The following PTPN3 variants were observed in gnomAD, a reference collection of about 807,000 sequenced individuals.
PTPN3 encodes tyrosine-protein phosphatase non-receptor type 3.
In PTPN3, 96 loss-of-function variants were observed where a neutral mutation model predicts 132.7. The ratio of observed to expected loss-of-function variants is 0.72; its 90% CI spans 0.61 to 0.86. The LOEUF (loss-of-function observed/expected upper bound fraction) is 0.86, where lower values mean the gene tolerates loss of function less well. Among genes scored for constraint, PTPN3 ranks in the 40% least tolerant of loss-of-function variants. The pLI, the probability that PTPN3 is intolerant of heterozygous loss-of-function variation, is 0.00. For missense variants in PTPN3, 1,125 were observed against 1,159.6 expected, an observed-to-expected ratio of 0.97 and a Z score of 0.43; for synonymous variants, 398 against 429.0, an observed-to-expected ratio of 0.93 and a Z score of 0.89.
At chr9:109,526,950 A>G in the PTPN3 span, among the ~76,000 whole-genome samples, 246 of 152,316 alleles carry the variant, frequency 1.6e-3, 2 homozygotes, top group African/African-American at 5.8e-3. Context: ...TGCTGGGTCA[A>G]TTGGATATCC....
rs145012918 is a variant in PTPN3, at chr9:109,446,508, T to C, written c.414-1216A>G. ...ACAGATGAGGTCCAGGGATCTCACC[T>C]CTGTTTGTTCATCTGGAAATCTAGA... On this transcript the variant is annotated intron_variant, in intron 6 of 25. Coordinates refer to ENST00000374541, the MANE Select transcript of PTPN3 (RefSeq NM_002829.4). Among the ~76,000 whole-genome samples, 201 of 152,276 alleles carry C rather than the reference T, an allele frequency of 1.3e-3. 11 individuals carry two copies. In the East Asian group the frequency reaches 0.025, roughly 19 times the overall value.
intron 17 of PTPN3, among the ~76,000 whole-genome samples, chr9:109,407,640 G>A (rs2131739604): frequency 6.6e-6 from 1 of 152,192 alleles, no homozygotes; most frequent in African/African-American, 2.4e-5. Context: ...TGCCTCCTGG[G>A]TTCAAGGAAT....
chr9:109,531,620 T>A, the PTPN3 span, among the ~76,000 whole-genome samples: 1 of 152,198 alleles, frequency 6.6e-6, no homozygotes, highest in Non-Finnish European at 1.5e-5. Flanking sequence ...CAGGTGTAGT[T>A]TTGAGAATGA....
At chr9:109,463,560 C>G (rs1277295742) in intron 1 of PTPN3, 109 bp from the exon 2 acceptor site, 2 of 1,010,834 alleles carry the variant, frequency 2.0e-6, no homozygotes, top group Non-Finnish European at 2.8e-6. Context: ...GACGGACTCA[C>G]AGATAATGAG....
At chr9:109,381,575 A>G (rs1839089598) in intron 25 of PTPN3, 77 bp downstream of exon 25, 3 of 1,560,972 alleles carry the variant, frequency 1.9e-6, no homozygotes, top group Non-Finnish European at 2.6e-6. Context: ...GTTGACTCAC[A>G]AAGCCCTTCT....
At chr9:109,474,999 A>AT (rs1445596050) in intron 1 of PTPN3, among the ~76,000 whole-genome samples, 1 of 152,140 alleles carries the variant, frequency 6.6e-6, no homozygotes. Context: ...AATTAGACTG[A>AT]TTTTTTTAGG....
chr9:109,406,862 A>C (rs1285373971), intron 17 of PTPN3, among the ~76,000 whole-genome samples: 1 of 152,226 alleles, frequency 6.6e-6, no homozygotes, highest in African/African-American at 2.4e-5. Flanking sequence ...AAGGATATAA[A>C]AATTGCTGAA....
At chr9:109,388,542 G>GTCA (rs1839792345) in intron 22 of PTPN3, among the ~76,000 whole-genome samples, 3 of 152,200 alleles carry the variant, frequency 2.0e-5, no homozygotes, top group Non-Finnish European at 2.9e-5. Context: ...AAGAGGGGCT[G>GTCA]TCAGCAGCAC....
chr9:109,421,296 G>A (rs1433807860), intron 13 of PTPN3, among the ~76,000 whole-genome samples: 1 of 152,136 alleles, frequency 6.6e-6, no homozygotes, highest in Non-Finnish European at 1.5e-5. Flanking sequence ...GCACCTGGGC[G>A]TCAGCTCCTG....
chr9:109,493,918 A>G (rs1847570458), intron 1 of PTPN3, among the ~76,000 whole-genome samples: 1 of 152,232 alleles, frequency 6.6e-6, no homozygotes, highest in Admixed American at 6.5e-5. Flanking sequence ...GTGAAGATTA[A>G]ATGAATTAAG....
intron 1 of PTPN3, among the ~76,000 whole-genome samples, chr9:109,467,098 C>T (rs569510907): frequency 7.8e-4 from 119 of 152,150 alleles, no homozygotes; most frequent in Non-Finnish European, 1.4e-3. Flanking sequence ...CCACCACCTC[C>T]GCCTTGCCCT....
At chr9:109,507,088 A>T in the PTPN3 span, among the ~76,000 whole-genome samples, 10 of 152,256 alleles carry the variant, frequency 6.6e-5, no homozygotes, top group African/African-American at 1.9e-4. Context: ...CGACCAGGGC[A>T]CAACAATCCA....
chr9:109,448,227 G>C (rs959005443), intron 6 of PTPN3, among the ~76,000 whole-genome samples: 2 of 152,142 alleles, frequency 1.3e-5, no homozygotes, highest in African/African-American at 4.8e-5. Context: ...TAAACTCACA[G>C]GGGTTGGGGG....
At chr9:109,424,272 T>C (rs1843089581) in intron 12 of PTPN3, among the ~76,000 whole-genome samples, 1 of 152,186 alleles carries the variant, frequency 6.6e-6, no homozygotes, top group African/African-American at 2.4e-5. Context: ...GCTGGGCAAG[T>C]CATGTGACCC....
At chr9:109,530,465 C>G in the PTPN3 span, among the ~76,000 whole-genome samples, 1 of 152,136 alleles carries the variant, frequency 6.6e-6, no homozygotes, top group Non-Finnish European at 1.5e-5. Flanking sequence ...ATTTATTCAT[C>G]TGTTGGTAGG....
rs770901957 is a variant in PTPN3, at chr9:109,454,497, T to C, written c.367A>G (p.Arg123Gly). 2 of 1,611,696 alleles carry C rather than the reference T, an allele frequency of 1.2e-6. No individual in the cohort carries two copies. Among genetic ancestry groups the C allele is most frequent in the Non-Finnish European group, 1.7e-6 (2 of 1,178,706 alleles). ...AAAACTTTAAAAAAATGTTGTTACC[T>C]GGTTTGTTCTTGCTGCAGTGTGTTG... ...DPNTLQQEQT[R>G]HLYFLQLKMD... Residue 123 changes from arginine to glycine, a missense_variant and splice_region_variant, in exon 5 of 26, where the codon AGG (arginine) becomes GGG (glycine). Transcript: ENST00000374541.
chr9:109,450,551 A>G, intron 5 of PTPN3: 2 of 985,246 alleles, frequency 2.0e-6, no homozygotes, highest in Non-Finnish European at 2.4e-6. Context: ...AGTCAACCCC[A>G]TGGCATCATA....
intron 11 of PTPN3, 96 bp downstream of exon 11, chr9:109,428,524 TC>T: frequency 7.9e-7 from 1 of 1,265,850 alleles, no homozygotes; most frequent in Non-Finnish European, 1.1e-6. Context: ...GGCAGGAGGA[TC>T]CCCTGAGCTC....
chr9:109,429,723 A>G (rs1247594989), intron 10 of PTPN3, among the ~76,000 whole-genome samples: 1 of 122,936 alleles, frequency 8.1e-6, no homozygotes, highest in East Asian at 2.5e-4. Flanking sequence ...TTCGGTAACT[A>G]CAAGTGGTCT....
Sources: allele counts gnomAD v4.1 joint callset (sites outside exome capture counted in the v4.1 genomes callset), GRCh38; gene constraint gnomAD v4.1.1; transcripts MANE v1.5; gene names NCBI Gene and HGNC (gene_info 2026-07-23, HGNC 2026-07-21).